The following ZNF226 variants were observed in gnomAD, a reference collection of about 807,000 sequenced individuals.
ZNF226 encodes the protein Kruppel-associated box protein.
In ZNF226, 6 loss-of-function variants were observed where a neutral mutation model predicts 11.4. The ratio of observed to expected loss-of-function variants is 0.53; its 90% CI spans 0.29 to 1.04. The LOEUF is 1.04. ZNF226 is among the 50% of genes least tolerant of loss of function. ZNF226 has a pLI of 0.08. For synonymous variants in ZNF226, 350 were observed against 322.8 expected, an observed-to-expected ratio of 1.08 and a Z score of -0.90; for missense variants, 1,058 against 956.5, an observed-to-expected ratio of 1.11 and a Z score of -1.40.
rs1317813438 is a variant in ZNF226 at position 44,176,574 on chromosome 19, CAG to C, written c.1317_1318del (p.Arg439SerfsTer9). ...TTGTAGCTCAAATCTTTACATTCAT[CAG>C]AGAGTCCACACAGGAGAAAAACCCT... ...FICSSNLYIH[Q>X]RVHTGEKPYK... On this transcript the variant is annotated frameshift_variant, in exon 6 of 6. Transcript: ENST00000337433. LOFTEE classifies it low-confidence loss of function (END_TRUNC). 5.0e-6 allele frequency: 8 copies of C among 1,613,974 alleles called. No individual in the cohort carries two copies. Among genetic ancestry groups the C allele is most frequent in the East Asian group, 4.5e-5 (2 of 44,856 alleles).
At chr19:44,180,983 A>T (rs946426428), downstream of ZNF226, among the ~76,000 whole-genome samples, 1 of 152,126 alleles carries the variant, frequency 6.6e-6, no homozygotes, top group Non-Finnish European at 1.5e-5. Context: ...TAGGTAGTTT[A>T]CTACTCACAG....
At chr19:44,175,104 A>C in intron 5 of ZNF226, 1 of 1,594,558 alleles carries the variant, frequency 6.3e-7, no homozygotes, top group South Asian at 1.1e-5. Flanking sequence ...GGACTCATAT[A>C]TGCATACATT....
chr19:44,178,898 G>A (rs1358824668), downstream of ZNF226, among the ~76,000 whole-genome samples: 6 of 152,188 alleles, frequency 3.9e-5, no homozygotes, highest in African/African-American at 1.4e-4. Flanking sequence ...GAACATCACA[G>A]GCTGGGTGTG....
Position 44,176,750 on chromosome 19 carries a change from C to T in ZNF226, c.1488C>T (p.Val496=), listed in dbSNP as rs747582087. 2 of 1,613,984 alleles carry T rather than the reference C, an allele frequency of 1.2e-6. No homozygotes were observed. Among genetic ancestry groups the T allele is most frequent in the African/African-American group, 2.7e-5 (2 of 74,968 alleles). ...CAAATCTTCAAGCCCATCAGAGAGTCCACACTGGAGAGAAGCCATACAAAT... is the reference window on the plus strand; with the variant it reads ...CAAATCTTCAAGCCCATCAGAGAGTTCACACTGGAGAGAAGCCATACAAAT... The part of the protein sequence containing the change: ...LSSNLQAHQR[V]HTGEKPYKCN... The change falls in exon 6 of 6, where the codon GTC becomes GTT. Residue 496 remains valine (V), a synonymous_variant. Transcript: ENST00000337433.
At chr19:44,196,305 T>C in the ZNF226 span, among the ~76,000 whole-genome samples, 21,288 of 152,176 alleles carry the variant, frequency 0.14, 3,790 homozygotes, top group African/African-American at 0.41. Context: ...TTTTCTCTAG[T>C]CAACCATGTC....
chr19:44,189,277 C>A, the ZNF226 span, among the ~76,000 whole-genome samples: 9 of 152,166 alleles, frequency 5.9e-5, no homozygotes, highest in African/African-American at 1.7e-4. Context: ...TCCCAGTTTG[C>A]ATAATGGTTT....
At chr19:44,190,582 G>A in the ZNF226 span, among the ~76,000 whole-genome samples, 3 of 151,974 alleles carry the variant, frequency 2.0e-5, no homozygotes, top group Admixed American at 6.6e-5. Context: ...TGATCCGCCC[G>A]CCTCGGCCTC....
intron 2 of ZNF226, 57 bp from the exon 3 acceptor site, chr19:44,169,978 C>A: frequency 8.2e-7 from 1 of 1,215,314 alleles, no homozygotes; most frequent in Non-Finnish European, 1.1e-6. Flanking sequence ...AAAGAGCAGC[C>A]ACGTGCATTA....
chr19:44,180,637 T>C (rs973810664), downstream of ZNF226, among the ~76,000 whole-genome samples: 4 of 152,216 alleles, frequency 2.6e-5, no homozygotes, highest in African/African-American at 9.6e-5. Flanking sequence ...TAGTGTATTA[T>C]CTATGCTTTC....
the ZNF226 span, among the ~76,000 whole-genome samples, chr19:44,186,600 G>A: frequency 6.6e-6 from 1 of 151,900 alleles, no homozygotes; most frequent in African/African-American, 2.4e-5. Flanking sequence ...GTGTACGTGG[G>A]ATCTTTCTAC....
downstream of ZNF226, among the ~76,000 whole-genome samples, chr19:44,183,153 A>C (rs1167826767): frequency 6.6e-6 from 1 of 152,204 alleles, no homozygotes. Flanking sequence ...AAACAGCCTG[A>C]ATATGGAGGG....
chr19:44,168,838 A>T (rs1159698797), intron 2 of ZNF226, among the ~76,000 whole-genome samples: 5 of 151,902 alleles, frequency 3.3e-5, no homozygotes, highest in Non-Finnish European at 7.4e-5. Flanking sequence ...TTCCTCACCA[A>T]ACTCACCAGT....
At chr19:44,175,100 A>G in intron 5 of ZNF226, 2 of 1,596,604 alleles carry the variant, frequency 1.3e-6, no homozygotes, top group Non-Finnish European at 1.7e-6. Flanking sequence ...GGAAGGACTC[A>G]TATATGCATA....
intron 5 of ZNF226, 22 bp downstream of exon 5, chr19:44,172,974 G>T: frequency 1.3e-6 from 2 of 1,560,926 alleles, no homozygotes; most frequent in Non-Finnish European, 1.7e-6. Flanking sequence ...ACAGTTATGA[G>T]TTCTTATAGT....
chr19:44,196,953 C>T, the ZNF226 span, among the ~76,000 whole-genome samples: 4 of 152,270 alleles, frequency 2.6e-5, no homozygotes, highest in Admixed American at 6.5e-5. Context: ...CATTTCTGCT[C>T]CTTTTCAGAC....
chr19:44,184,783 T>C, the ZNF226 span, among the ~76,000 whole-genome samples: 1 of 152,122 alleles, frequency 6.6e-6, no homozygotes, highest in Non-Finnish European at 1.5e-5. Flanking sequence ...TAACACTAAA[T>C]TTACCATCTT....
chr19:44,198,121 G>GA, the ZNF226 span, among the ~76,000 whole-genome samples: 1 of 152,084 alleles, frequency 6.6e-6, no homozygotes, highest in Non-Finnish European at 1.5e-5. Context: ...CAAATGACTA[G>GA]ATATATGTAA....
Position 44,177,304 on chromosome 19 carries a change from AGTG to A in ZNF226, c.2044_2046del (p.Trp682del). ...TGTGATGAGTGTGGGAAGGGCTTCA[AGTG>A]GAGCTTGAACCTTGACATGCATCAG... is the stretch of plus-strand genomic sequence containing the variant. On this transcript the variant is annotated inframe_deletion, in exon 6 of 6. Coordinates refer to ENST00000337433, the MANE Select transcript of ZNF226 (RefSeq NM_001032373.2). 1.9e-6 allele frequency: 3 copies of A among 1,614,102 alleles called. No homozygotes were observed. Among genetic ancestry groups the A allele is most frequent in the Non-Finnish European group, 2.5e-6 (3 of 1,179,986 alleles).
chr19:44,174,816 G>A, intron 5 of ZNF226: 1 of 544,814 alleles, frequency 1.8e-6, no homozygotes, highest in Non-Finnish European at 3.1e-6. Context: ...CAGTGCAAAA[G>A]CCTTAGAAGG....
Sources: allele counts gnomAD v4.1 joint callset (sites outside exome capture counted in the v4.1 genomes callset), GRCh38; gene constraint gnomAD v4.1.1; transcripts MANE v1.5; gene names NCBI Gene and HGNC (gene_info 2026-07-23, HGNC 2026-07-21).